MICAL3: variants seen among roughly 807,000 people sequenced by gnomAD.
MICAL3 encodes microtubule associated monooxygenase, calponin and LIM domain containing 3, also known as [F-actin]-monooxygenase MICAL3.
A neutral mutation model predicts 207.4 loss-of-function variants in MICAL3; 62 were observed. That is an observed-to-expected ratio of 0.30 (90% CI 0.24 to 0.37). The LOEUF (loss-of-function observed/expected upper bound fraction) is 0.37, where lower values mean the gene tolerates loss of function less well. Ranked by LOEUF, MICAL3 falls within the 10% of genes least tolerant of loss-of-function variation. The pLI, the probability that MICAL3 is intolerant of heterozygous loss-of-function variation, is 1.00. For missense variants in MICAL3, 2,368 were observed against 2,635.6 expected (o/e 0.90, Z 2.22); for synonymous variants, 1,077 against 1,069.3 (o/e 1.01, Z -0.14).
intron 1 of MICAL3, among the ~76,000 whole-genome samples, chr22:17,968,788 G>A (rs28434757): frequency 0.2 from 30,629 of 152,124 alleles, 3,244 homozygotes; most frequent in Middle Eastern, 0.26. Flanking sequence ...AGCTCGAGGG[G>A]AGTTAGGCGC....
chr22:17,816,340 CAGGCCCTGGGGCTGG>C (rs1381268168), intron 27 of MICAL3, among the ~76,000 whole-genome samples: 1 of 152,244 alleles, frequency 6.6e-6, no homozygotes, highest in Non-Finnish European at 1.5e-5. Flanking sequence ...CAGTGTTCTC[CAGGCCCTGGGGCTGG>C]TGGGCTGCTC....
chr22:17,998,072 A>T (rs186254221), intron 1 of MICAL3, among the ~76,000 whole-genome samples: 4,912 of 145,382 alleles, frequency 0.034, 116 homozygotes, highest in African/African-American at 0.068. Context: ...AAGGCCAAGG[A>T]GGGTGAATCA....
intron 1 of MICAL3, among the ~76,000 whole-genome samples, chr22:17,960,155 A>G (rs1243060592): frequency 6.6e-6 from 1 of 152,198 alleles, no homozygotes; most frequent in Non-Finnish European, 1.5e-5. Flanking sequence ...TCCCTGCCCC[A>G]GCATGGCTAG....
At chr22:17,864,341 A>T in intron 19 of MICAL3, 1 of 1,229,264 alleles carries the variant, frequency 8.1e-7, no homozygotes, top group Non-Finnish European at 1.0e-6. Flanking sequence ...GGTGCAGGGC[A>T]GACAGGAGAG....
At chr22:17,943,685 A>C (rs1278004885) in intron 1 of MICAL3, among the ~76,000 whole-genome samples, 2 of 152,214 alleles carry the variant, frequency 1.3e-5, no homozygotes, top group Non-Finnish European at 2.9e-5. Flanking sequence ...CGTAAACTGG[A>C]GGAAACAAAA....
At chr22:17,944,993 C>A (rs146382372) in intron 1 of MICAL3, among the ~76,000 whole-genome samples, 2 of 143,888 alleles carry the variant, frequency 1.4e-5, no homozygotes, top group Non-Finnish European at 3.0e-5. Flanking sequence ...AGTTCGCACT[C>A]AGGCACTGGG....
At chr22:17,791,795 T>C (rs1348433591) in intron 29 of MICAL3, 1 of 165,214 alleles carries the variant, frequency 6.1e-6, no homozygotes, top group Non-Finnish European at 1.3e-5. Flanking sequence ...CCAGAATAGA[T>C]GCCTTGTCCA....
chr22:17,863,897 A>G (rs905670895), intron 19 of MICAL3: 52 of 985,274 alleles, frequency 5.3e-5, no homozygotes, highest in Non-Finnish European at 6.1e-5. Flanking sequence ...TTTAATTTTT[A>G]TGAGTTTTGT....
chr22:17,815,687 T>A (rs1920973575), intron 27 of MICAL3: 1 of 152,096 alleles, frequency 6.6e-6, no homozygotes, highest in Non-Finnish European at 1.5e-5. Flanking sequence ...CTCTCTAGAG[T>A]CTTCTAGGAG....
chr22:18,013,289 C>A (rs1923859212), intron 1 of MICAL3, among the ~76,000 whole-genome samples: 1 of 152,198 alleles, frequency 6.6e-6, no homozygotes, highest in Admixed American at 6.5e-5. Context: ...GTCTTCCATC[C>A]TTCTCCAAAG....
At chr22:17,804,225 G>T (rs2061967837) in intron 29 of MICAL3, among the ~76,000 whole-genome samples, 1 of 152,174 alleles carries the variant, frequency 6.6e-6, no homozygotes, top group Non-Finnish European at 1.5e-5. Flanking sequence ...CTAACTAAGA[G>T]TTAATAGAGC....
intron 1 of MICAL3, among the ~76,000 whole-genome samples, chr22:17,916,822 T>C (rs1464028323): frequency 1.3e-5 from 2 of 152,102 alleles, no homozygotes; most frequent in Admixed American, 6.5e-5. Context: ...CAGTCTCTGA[T>C]CTCTTTTGAA....
intron 19 of MICAL3, chr22:17,862,082 C>T: frequency 1.0e-6 from 1 of 985,404 alleles, no homozygotes; most frequent in Non-Finnish European, 1.2e-6. Context: ...ACCAGCCCTG[C>T]CTCCTGGGAC....
chr22:17,890,674 T>C (rs1397965502), intron 12 of MICAL3, among the ~76,000 whole-genome samples: 1 of 152,212 alleles, frequency 6.6e-6, no homozygotes, highest in African/African-American at 2.4e-5. Flanking sequence ...AGCAACTATA[T>C]CTTGTAGGAT....
At chr22:17,825,999 TC>T (rs1922142157) in intron 22 of MICAL3, among the ~76,000 whole-genome samples, 1 of 152,108 alleles carries the variant, frequency 6.6e-6, no homozygotes, top group South Asian at 2.1e-4. Context: ...CACCCGCCCA[TC>T]CTCTGCTCTT....
intron 1 of MICAL3, chr22:17,980,927 C>G: frequency 1.9e-6 from 1 of 533,270 alleles, no homozygotes; most frequent in Non-Finnish European, 3.9e-6. Context: ...CCCCGGCCCC[C>G]ACCAGTGCCC....
rs2061808991 is a variant in MICAL3, at chr22:17,789,463, G to T, written c.*1269C>A. 6.6e-6 allele frequency: 1 copy of T among 152,266 alleles called. No individual in the cohort carries two copies. The highest frequency in any genetic ancestry group is 1.5e-5 in the Non-Finnish European group (1 of 68,054). 9.4% of individuals were successfully genotyped at this position (152,266 alleles called of 1,614,324 possible). A position where few individuals can be genotyped will look rare whatever the true frequency, so the allele number is the denominator to read the frequency against. On this transcript the variant is annotated 3_prime_UTR_variant, in exon 32 of 32. Transcript: ENST00000441493. ...CAGAGCCGGAATTCTCACTGGGAGG[G>T]TGAGAGTGGCAGCTCTGCTGTTGGC... is the stretch of plus-strand genomic sequence containing the variant.
intron 1 of MICAL3, among the ~76,000 whole-genome samples, chr22:17,974,873 T>A (rs1935570255): frequency 6.6e-6 from 1 of 152,148 alleles, no homozygotes; most frequent in African/African-American, 2.4e-5. Flanking sequence ...TCTTCAGTCC[T>A]CACAATAACC....
At chr22:18,001,445 G>C (rs1210018478) in intron 1 of MICAL3, 3 of 152,106 alleles carry the variant, frequency 2.0e-5, no homozygotes, top group Non-Finnish European at 4.4e-5. Context: ...TGGCGGGCCA[G>C]TGCCGCCCTG....
Sources: gnomAD v4.1 joint callset for allele counts (sites outside exome capture counted in the v4.1 genomes callset) on GRCh38, gnomAD v4.1.1 for gene constraint, MANE v1.5 for transcripts, NCBI Gene and HGNC (gene_info 2026-07-23, HGNC 2026-07-21) for gene names.